ADAMTSL1: variants seen among roughly 807,000 people sequenced by gnomAD.
ADAMTSL1 encodes ADAMTS-like protein 1.
Under a neutral mutation model 201.8 loss-of-function variants are expected in ADAMTSL1, and 126 were observed. The observed-to-expected ratio is 0.62, with a 90% CI of 0.54 to 0.72. The LOEUF is 0.72. Among genes scored for constraint, ADAMTSL1 ranks in the 30% least tolerant of loss-of-function variants. The probability of loss-of-function intolerance (pLI) is 0.00; values close to 1 mark genes in which losing one functional copy is unlikely to be tolerated. For synonymous variants in ADAMTSL1, 1,121 were observed against 903.4 expected (o/e 1.24, Z -4.32); for missense variants, 2,679 against 2,277.8 (o/e 1.18, Z -3.59).
At chr9:18,416,393 G>A (rs970545468) in intron 2 of ADAMTSL1, among the ~76,000 whole-genome samples, 2 of 151,696 alleles carry the variant, frequency 1.3e-5, no homozygotes, top group African/African-American at 4.8e-5. Context: ...TAAAAAAATT[G>A]CTTGATCAAA....
chr9:18,680,588 C>T lies in ADAMTSL1; in HGVS notation c.1341+72C>T, dbSNP rs10963719. 8.4e-3 allele frequency: 12,952 copies of T among 1,539,446 alleles called. 853 individuals carry two copies. In the African/African-American group the frequency reaches 0.15, roughly 18 times the overall value. ...TTCCCTCTCATCATCATGGCCCCACCGGGTACCCTGAGCAGCTCCACACTC... is the reference window on the plus strand; with the variant it reads ...TTCCCTCTCATCATCATGGCCCCACTGGGTACCCTGAGCAGCTCCACACTC... On this transcript the variant is annotated intron_variant, in intron 11 of 28. Coordinates refer to ENST00000380548, the MANE Select transcript of ADAMTSL1 (RefSeq NM_001040272.6).
chr9:18,693,719 A>G (rs555749403), intron 13 of ADAMTSL1, among the ~76,000 whole-genome samples: 1 of 152,314 alleles, frequency 6.6e-6, no homozygotes, highest in South Asian at 2.1e-4. Context: ...TTGAGCTGCT[A>G]TTATGTGAAG....
chr9:18,268,703 C>G (rs1296913516), intron 2 of ADAMTSL1, among the ~76,000 whole-genome samples: 1 of 152,144 alleles, frequency 6.6e-6, no homozygotes, highest in Non-Finnish European at 1.5e-5. Flanking sequence ...CAGACTGGCT[C>G]ATTCTCAGTG....
At chr9:18,692,494 G>A (rs1405781252) in intron 13 of ADAMTSL1, among the ~76,000 whole-genome samples, 1 of 152,154 alleles carries the variant, frequency 6.6e-6, no homozygotes, top group Non-Finnish European at 1.5e-5. Context: ...GAGCCCTAGA[G>A]AGTGACAAAG....
At chr9:18,035,678 C>T (rs976227087) in intron 1 of ADAMTSL1, among the ~76,000 whole-genome samples, 5 of 152,122 alleles carry the variant, frequency 3.3e-5, no homozygotes, top group African/African-American at 1.2e-4. Context: ...TGCTCCCCAC[C>T]TCCTGACATT....
intron 5 of ADAMTSL1, among the ~76,000 whole-genome samples, chr9:18,633,953 G>A (rs1826943890): frequency 6.6e-6 from 1 of 152,072 alleles, no homozygotes; most frequent in South Asian, 2.1e-4. Flanking sequence ...GAGATTTGGG[G>A]TAGAGAGAGG....
At chr9:17,956,921 G>A (rs958159240) in intron 1 of ADAMTSL1, among the ~76,000 whole-genome samples, 4 of 152,118 alleles carry the variant, frequency 2.6e-5, no homozygotes, top group African/African-American at 9.7e-5. Context: ...ATTCACTGCT[G>A]TTCTTTCCTC....
At position 18,425,143 on chromosome 9, in the gene ADAMTSL1, T is replaced by C. The variant is rs1819148499; in HGVS notation, c.208-79686T>C. 2.6e-5 allele frequency among the ~76,000 whole-genome samples: 4 copies of C among 151,954 alleles called. 1 individual carries two copies. The South Asian group carries it at 8.3e-4, about 32-fold the overall frequency. ...GTACAGTGTGCATTCTCTCTCTCTC[T>C]CTCCCCCTCCACTCCACTCTCTCTC... On this transcript the variant is annotated intron_variant, in intron 2 of 29. Coordinates refer to the ADAMTSL1 transcript ENST00000680146.
At chr9:18,159,011 C>T (rs1827273032) in intron 1 of ADAMTSL1, among the ~76,000 whole-genome samples, 1 of 152,050 alleles carries the variant, frequency 6.6e-6, no homozygotes, top group Non-Finnish European at 1.5e-5. Context: ...ATCCATTAAA[C>T]ATTTGCATGT....
chr9:18,026,742 C>T (rs1820713644), intron 1 of ADAMTSL1, among the ~76,000 whole-genome samples: 1 of 152,040 alleles, frequency 6.6e-6, no homozygotes, highest in South Asian at 2.1e-4. Flanking sequence ...AGAGGAGTCC[C>T]TCCTCCTCAA....
intron 1 of ADAMTSL1, among the ~76,000 whole-genome samples, chr9:18,062,936 G>T (rs1244441727): frequency 1.3e-5 from 2 of 152,116 alleles, no homozygotes; most frequent in Non-Finnish European, 2.9e-5. Flanking sequence ...TTGTTGAAAA[G>T]AAACTATTTT....
intron 1 of ADAMTSL1, among the ~76,000 whole-genome samples, chr9:18,043,458 C>T (rs1051249493): frequency 1.3e-5 from 2 of 152,102 alleles, no homozygotes; most frequent in African/African-American, 4.8e-5. Flanking sequence ...ACCTGGGCTA[C>T]AGTAAGCAAA....
At chr9:18,023,154 A>ATATG (rs1563954431) in intron 1 of ADAMTSL1, among the ~76,000 whole-genome samples, 2 of 145,766 alleles carry the variant, frequency 1.4e-5, no homozygotes, top group Non-Finnish European at 1.6e-5. Flanking sequence ...ATATATGTAT[A>ATATG]TGTATGTCTG....
chr9:18,475,876 A>G (rs1367369480), intron 1 of ADAMTSL1, among the ~76,000 whole-genome samples: 1 of 152,138 alleles, frequency 6.6e-6, no homozygotes, highest in African/African-American at 2.4e-5. Flanking sequence ...AAACTTTCCC[A>G]TTCAGGAATA....
chr9:18,658,005 C>A lies in ADAMTSL1; in HGVS notation c.946+255C>A, dbSNP rs866860046. The stretch of plus-strand genomic sequence containing the variant: ...TTTTTTTTTTTTTGAGACAGAGTCT[C>A]GCACTGTCGCCCAGGCTGGAGTGCA... On this transcript the variant is annotated intron_variant, in intron 8 of 28. Coordinates refer to ENST00000380548, the MANE Select transcript of ADAMTSL1 (RefSeq NM_001040272.6). 2.7e-5 allele frequency among the ~76,000 whole-genome samples: 4 copies of A among 147,660 alleles called. No homozygotes were observed. The South Asian group carries it at 8.6e-4, about 32-fold the overall frequency.
chr9:18,727,823 T>C (rs1489393590), intron 15 of ADAMTSL1, among the ~76,000 whole-genome samples: 4 of 152,178 alleles, frequency 2.6e-5, no homozygotes, highest in African/African-American at 9.7e-5. Flanking sequence ...CTCATGCCTG[T>C]AATCCCAGCA....
At chr9:18,237,572 G>A (rs535585694) in intron 2 of ADAMTSL1, among the ~76,000 whole-genome samples, 98 of 152,242 alleles carry the variant, frequency 6.4e-4, no homozygotes, top group Non-Finnish European at 1.2e-3. Flanking sequence ...AATCTACAAC[G>A]TCCTGTTATA....
Position 18,574,097 on chromosome 9 carries a change from A to C in ADAMTSL1, c.305A>C (p.His102Pro), listed in dbSNP as rs143013037. 35 of 1,613,984 alleles carry C rather than the reference A, an allele frequency of 2.2e-5. No individual in the cohort carries two copies. Among genetic ancestry groups the C allele is most frequent in the Admixed American group, 5.0e-5 (3 of 59,992 alleles). ...TCAGCTCATAATGATGTCAAGCACC[A>C]TGGCCAGTTTTATGAATGGCTTCCT... ...QCSAHNDVKH[H>P]GQFYEWLPVS... Residue 102 changes from histidine to proline, a missense_variant, in exon 4 of 29, where the codon CAT becomes CCT. Coordinates refer to ENST00000380548, the MANE Select transcript of ADAMTSL1 (RefSeq NM_001040272.6).
intron 23 of ADAMTSL1, among the ~76,000 whole-genome samples, chr9:18,830,569 C>T (rs992731074): frequency 4.0e-4 from 61 of 152,102 alleles, no homozygotes; most frequent in African/African-American, 1.4e-3. Context: ...AGTTATTTCC[C>T]ACATGGGTAG....
Sources: gnomAD v4.1 joint callset for allele counts (sites outside exome capture counted in the v4.1 genomes callset) on GRCh38, gnomAD v4.1.1 for gene constraint, MANE v1.5 for transcripts, NCBI Gene and HGNC (gene_info 2026-07-23, HGNC 2026-07-21) for gene names.